Variants in FGD5 observed in about 807,000 individuals in gnomAD.
The protein encoded by FGD5 is FYVE, RhoGEF and PH domain containing 5.
In FGD5, 28 loss-of-function variants were observed where a neutral mutation model predicts 133.4. That is an observed-to-expected ratio of 0.21 (90% CI 0.16 to 0.29). The LOEUF (loss-of-function observed/expected upper bound fraction) is 0.29. FGD5 is among the 10% of genes least tolerant of loss of function. The pLI is 1.00. For synonymous variants in FGD5, 810 were observed against 776.5 expected (o/e 1.04, Z -0.72); for missense variants, 1,858 against 1,895.2 (o/e 0.98, Z 0.36).
chr3:14,838,546 C>A (rs1483449234), intron 1 of FGD5, among the ~76,000 whole-genome samples: 1 of 152,158 alleles, frequency 6.6e-6, no homozygotes, highest in Non-Finnish European at 1.5e-5. Flanking sequence ...TATATTCAGT[C>A]CATCCCAAGG....
intron 1 of FGD5, among the ~76,000 whole-genome samples, chr3:14,830,381 A>G (rs1222795470): frequency 6.6e-6 from 1 of 152,234 alleles, no homozygotes; most frequent in Non-Finnish European, 1.5e-5. Context: ...AATAAAATTT[A>G]CAGGGAAGGA....
At chr3:14,835,384 C>T (rs1354702932) in intron 1 of FGD5, among the ~76,000 whole-genome samples, 2 of 152,046 alleles carry the variant, frequency 1.3e-5, no homozygotes, top group Non-Finnish European at 2.9e-5. Context: ...CCTGTAGTTC[C>T]AGCTGCTTGG....
intron 1 of FGD5, among the ~76,000 whole-genome samples, chr3:14,831,839 G>T (rs2036715287): frequency 6.6e-6 from 1 of 152,190 alleles, no homozygotes; most frequent in Non-Finnish European, 1.5e-5. Flanking sequence ...GAACATCAAG[G>T]GGTCAAGACA....
At chr3:14,875,357 C>T (rs1002055019) in intron 2 of FGD5, among the ~76,000 whole-genome samples, 3 of 152,086 alleles carry the variant, frequency 2.0e-5, no homozygotes, top group Non-Finnish European at 2.9e-5. Context: ...CTGGCGCATA[C>T]GGGGCATCGG....
Position 14,922,937 on chromosome 3 carries a change from C to A in FGD5, c.3808-109C>A. On this transcript the variant is annotated intron_variant, in intron 15 of 19. Coordinates refer to ENST00000285046, the MANE Select transcript of FGD5 (RefSeq NM_152536.4). This position sits in a 1 kb window ranked among gnomAD's most constrained non-coding sequence, Gnocchi z 4.1. ...ACAGCTCCATGATCAGAACCTGGGGCTCCCTAGGGGCAGTTGTGGGTGGAT... is the reference window on the plus strand; with the variant it reads ...ACAGCTCCATGATCAGAACCTGGGGATCCCTAGGGGCAGTTGTGGGTGGAT... 2 of 1,482,996 alleles carry A rather than the reference C, an allele frequency of 1.3e-6. No individual in the cohort carries two copies. Among genetic ancestry groups the A allele is most frequent in the Non-Finnish European group, 9.3e-7 (1 of 1,080,042 alleles). The allele number at this position is 1,482,996 out of a possible 1,614,324, so 91.9% of individuals were successfully genotyped here. A position where few individuals can be genotyped will look rare whatever the true frequency, so the allele number is the denominator to read the frequency against.
intron 1 of FGD5, among the ~76,000 whole-genome samples, chr3:14,840,480 C>T (rs1323887748): frequency 1.3e-5 from 2 of 152,006 alleles, no homozygotes; most frequent in Non-Finnish European, 2.9e-5. Flanking sequence ...CCCCAACCCT[C>T]TACTTTTTCT....
At chr3:14,840,754 C>T (rs985095819) in intron 1 of FGD5, among the ~76,000 whole-genome samples, 1 of 152,206 alleles carries the variant, frequency 6.6e-6, no homozygotes, top group Admixed American at 6.5e-5. Context: ...ACCAACCAAC[C>T]CCACCACAGT....
intron 11 of FGD5, among the ~76,000 whole-genome samples, chr3:14,916,646 G>A (rs2038560914): frequency 2.0e-5 from 3 of 152,188 alleles, no homozygotes; most frequent in African/African-American, 7.2e-5. Flanking sequence ...CACCACCTGG[G>A]TCGAGATGTG....
At chr3:14,882,156 A>T in intron 4 of FGD5, 2 of 301,676 alleles carry the variant, frequency 6.6e-6, no homozygotes, top group Non-Finnish European at 9.8e-6. Context: ...TTTTATACCT[A>T]AAAGATCTAT....
chr3:14,870,641 G>A (rs2037588815), intron 2 of FGD5, among the ~76,000 whole-genome samples: 1 of 152,114 alleles, frequency 6.6e-6, no homozygotes, highest in African/African-American at 2.4e-5. Context: ...CCTTCATTCT[G>A]TGCCCTCTTC....
At position 14,824,185 on chromosome 3, in the gene FGD5, A is replaced by G. The variant is rs367582998; in HGVS notation, c.2525+2589A>G. 1.6e-4 allele frequency among the ~76,000 whole-genome samples: 24 copies of G among 152,352 alleles called. No individual in the cohort carries two copies. In the East Asian group the frequency reaches 3.1e-3, roughly 20 times the overall value. On this transcript the variant is annotated intron_variant, in intron 1 of 19. Coordinates refer to ENST00000285046, the MANE Select transcript of FGD5 (RefSeq NM_152536.4). ...GCAAAGCTTTCTTCCGCTTTCCTAC[A>G]TGAAACAGATGAAAGCAAAGGGGGA...
chr3:14,893,305 G>A (rs1480686543), intron 4 of FGD5, among the ~76,000 whole-genome samples: 1 of 151,988 alleles, frequency 6.6e-6, no homozygotes, highest in Non-Finnish European at 1.5e-5. Flanking sequence ...TCTTTATGCT[G>A]GAAACATTCA....
chr3:14,928,207 G>GGGATTACAGGCGTGA (rs2038846161), intron 18 of FGD5, among the ~76,000 whole-genome samples: 1 of 151,024 alleles, frequency 6.6e-6, no homozygotes, highest in African/African-American at 2.4e-5. Context: ...CCAAAGTGCT[G>GGGATTACAGGCGTGA]GGATTACAGG....
intron 13 of FGD5, among the ~76,000 whole-genome samples, chr3:14,921,101 A>G (rs17040568): frequency 0.082 from 12,470 of 152,308 alleles, 1,472 homozygotes; most frequent in African/African-American, 0.26. Context: ...GGGCAAGGAC[A>G]GTGGCCTTTA....
In FGD5 at chr3:14,914,911, C is replaced by T. The variant is rs1332302397; in HGVS notation, c.3406-2338C>T. 3.2e-4 allele frequency among the ~76,000 whole-genome samples: 49 copies of T among 152,246 alleles called. 1 individual carries two copies. The highest frequency in any genetic ancestry group is 3.1e-3 in the Admixed American group (48 of 15,288). ...CTGGTGCAGAATCGGTGTCAATGCA[C>T]TGTAGTGCCTGTCACTCTTAGAAGG... On this transcript the variant is annotated intron_variant, in intron 11 of 19. Transcript: ENST00000285046.
At chr3:14,921,731 C>T (rs900461386) in intron 13 of FGD5, among the ~76,000 whole-genome samples, 187 bp from the exon 14 acceptor site, 1 of 152,334 alleles carries the variant, frequency 6.6e-6, no homozygotes, top group Admixed American at 6.5e-5. Context: ...GACCCAAGGA[C>T]AGCTAATGGA....
At chr3:14,857,965 A>T (rs1276243650) in intron 1 of FGD5, among the ~76,000 whole-genome samples, 1 of 152,046 alleles carries the variant, frequency 6.6e-6, no homozygotes, top group African/African-American at 2.4e-5. Flanking sequence ...GGAGAGATTA[A>T]GAAACTTGCT....
intron 1 of FGD5, among the ~76,000 whole-genome samples, chr3:14,848,955 T>A (rs2037106507): frequency 6.6e-6 from 1 of 152,044 alleles, no homozygotes; most frequent in Non-Finnish European, 1.5e-5. Context: ...AGGAGCAGCG[T>A]GGATTTATAG....
At position 14,921,994 on chromosome 3, in the gene FGD5, G is replaced by A; in HGVS notation, c.3646G>A (p.Ala1216Thr). 1.3e-6 allele frequency: 2 copies of A among 1,564,454 alleles called. No individual in the cohort carries two copies. Among genetic ancestry groups the A allele is most frequent in the Non-Finnish European group, 1.7e-6 (2 of 1,154,408 alleles). The change falls in exon 14 of 20, where the codon GCT becomes ACT. Residue 1216 changes from alanine to threonine, a missense_variant. This residue lies in a region of FGD5 where 1,824 missense variants were observed against 1,848.9 expected (regional missense o/e 0.99). Coordinates refer to ENST00000285046, the MANE Select transcript of FGD5 (RefSeq NM_152536.4). ...TGAGGACTACAAGGCCCAGGCGCTG[G>A]CTGCATTCCACCATAGCGTGGAGGT... is the stretch of plus-strand genomic sequence containing the variant. ...LPEDYKAQALAAFHHSVEIRE... is the reference protein window; with the variant it reads ...LPEDYKAQALTAFHHSVEIRE...
Sources: allele counts gnomAD v4.1 joint callset (sites outside exome capture counted in the v4.1 genomes callset), GRCh38; gene constraint gnomAD v4.1.1; regional missense constraint gnomAD v4.1.1; non-coding constraint Gnocchi (gnomAD v3.1); transcripts MANE v1.5; gene names NCBI Gene and HGNC (gene_info 2026-07-23, HGNC 2026-07-21).